Variants in ZFYVE19 observed in about 807,000 individuals in gnomAD.
ZFYVE19 encodes the protein zinc finger FYVE-type containing 19, also known as abscission/NoCut checkpoint regulator.
A neutral mutation model predicts 62.8 loss-of-function variants in ZFYVE19; 49 were observed. The observed-to-expected ratio is 0.78, with a 90% CI of 0.62 to 0.99. ZFYVE19 has a LOEUF of 0.99. Ranked by LOEUF, ZFYVE19 falls within the 50% of genes least tolerant of loss-of-function variation. ZFYVE19 has a pLI of 0.00. For synonymous variants in ZFYVE19, 242 were observed against 234.3 expected (o/e 1.03, Z -0.30); for missense variants, 630 against 601.9 (o/e 1.05, Z -0.49).
intron 7 of ZFYVE19, 103 bp from the exon 8 acceptor site, chr15:40,813,235 C>A: frequency 2.7e-6 from 3 of 1,130,206 alleles, no homozygotes; most frequent in Non-Finnish European, 3.9e-6. Flanking sequence ...GAATAAGTGC[C>A]CCTGGGAACC....
rs1215834345 is a variant in ZFYVE19, at chr15:40,807,239, A to G, written c.-351A>G. The G allele has an allele frequency of 6.4e-7, 1 of 1,567,086 alleles. No homozygotes were observed. The highest frequency in any genetic ancestry group is 1.2e-5 in the South Asian group (1 of 86,614). On this transcript the variant is annotated 5_prime_UTR_variant, in exon 1 of 11. It adds an upstream start codon to the 5' untranslated region. Transcript: ENST00000355341. ...CTGGGAGCCCGCCTGCGGAGGGCAT[A>G]GCGCCGACCCTCGCTCCCCGCCCAG...
chr15:40,813,529 C>T, intron 8 of ZFYVE19, 112 bp downstream of exon 8: 1 of 1,296,546 alleles, frequency 7.7e-7, no homozygotes, highest in Non-Finnish European at 1.1e-6. Context: ...CTCTTTGGGC[C>T]CCCTCCTGTG....
At position 40,813,378 on chromosome 15, in the gene ZFYVE19, C is replaced by G. The variant is rs201883316; in HGVS notation, c.1071C>G (p.Asp357Glu). The G allele has an allele frequency of 6.8e-5, 109 of 1,612,034 alleles. No homozygotes were observed. The highest frequency in any genetic ancestry group is 9.2e-5 in the Non-Finnish European group (108 of 1,179,162). Residue 357 changes from aspartate (D) to glutamate (E), a missense_variant, in exon 8 of 11, where the codon GAC becomes GAG. Transcript: ENST00000355341. ...ATCGCCTCCCAGACAGTGATGACGACGAGGATGAGGAGACAGCCATCCAAA... is the reference window on the plus strand; with the variant it reads ...ATCGCCTCCCAGACAGTGATGACGAGGAGGATGAGGAGACAGCCATCCAAA... Reference protein sequence around the residue: ...QDYRLPDSDDDEDEETAIQRV... With the variant: ...QDYRLPDSDDEEDEETAIQRV...
intron 1 of ZFYVE19, chr15:40,808,184 C>A: frequency 6.6e-7 from 1 of 1,521,828 alleles, no homozygotes; most frequent in South Asian, 1.2e-5. Context: ...CCACCCTGCT[C>A]CTCCGAAGCG....
intron 6 of ZFYVE19, among the ~76,000 whole-genome samples, chr15:40,812,074 C>T (rs567793564): frequency 6.6e-5 from 10 of 152,162 alleles, no homozygotes; most frequent in African/African-American, 1.4e-4. Flanking sequence ...AACCATAGGA[C>T]GCCCACCCTT....
chr15:40,814,624 G>C lies in ZFYVE19; in HGVS notation c.*398G>C, dbSNP rs1043497012. On this transcript the variant is annotated 3_prime_UTR_variant, in exon 11 of 11. Transcript: ENST00000355341. The stretch of plus-strand genomic sequence containing the variant: ...GCCTGGGCCCTGTGAGAGGTGGCAG[G>C]AACAGAGCAGGCTGTAAGCACAGTT... The C allele has an allele frequency of 3.8e-6, 1 of 263,798 alleles. No homozygotes were observed. Among genetic ancestry groups the C allele is most frequent in the Admixed American group, 4.9e-5 (1 of 20,510 alleles). The allele number at this position is 263,798 out of a possible 1,614,324, so 16.3% of individuals were successfully genotyped here.
At chr15:40,809,096 C>T (rs1463578580) in intron 1 of ZFYVE19, 23 bp from the exon 2 acceptor site, 1 of 1,611,326 alleles carries the variant, frequency 6.2e-7, no homozygotes, top group South Asian at 1.1e-5. Context: ...AGAGGGGGAT[C>T]TCCCGCTTCA....
At position 40,814,455 on chromosome 15, in the gene ZFYVE19, G is replaced by T. The variant is rs1381649744; in HGVS notation, c.*229G>T. ...TAGAAGCCCAGACTGGAAGTGAGAG[G>T]CATGATGGGGAGAGACCAGACTGAA... On this transcript the variant is annotated 3_prime_UTR_variant, in exon 11 of 11. Transcript: ENST00000355341. 5.1e-6 allele frequency: 3 copies of T among 587,620 alleles called. No homozygotes were observed. The highest frequency in any genetic ancestry group is 5.9e-5 in the East Asian group (2 of 33,632). The allele number at this position is 587,620 out of a possible 1,614,324, so 36.4% of individuals were successfully genotyped here.
chr15:40,810,792 C>T (rs756616146), intron 6 of ZFYVE19, 35 bp downstream of exon 6: 9 of 1,550,394 alleles, frequency 5.8e-6, no homozygotes, highest in South Asian at 1.2e-5. Context: ...GGAATCTGCC[C>T]TACCTCTTTC....
Position 40,807,135 on chromosome 15 carries a change from G to C in ZFYVE19, c.-455G>C. ...CGGCCTCTAGGAGACAGGGGCCACG[G>C]GGAGAGCACAGCCACCCGGCGCGAA... On this transcript the variant is annotated 5_prime_UTR_variant, in exon 1 of 11. Transcript: ENST00000355341. The C allele has an allele frequency of 9.5e-7, 1 of 1,051,842 alleles. No individual in the cohort carries two copies. Among genetic ancestry groups the C allele is most frequent in the Non-Finnish European group, 1.3e-6 (1 of 748,742 alleles). The allele number at this position is 1,051,842 out of a possible 1,614,324, so 65.2% of individuals were successfully genotyped here.
Position 40,810,189 on chromosome 15 carries a change from A to G in ZFYVE19, c.690A>G (p.Arg230=), listed in dbSNP as rs758871106. 13 of 1,614,088 alleles carry G rather than the reference A, an allele frequency of 8.1e-6. No homozygotes were observed. The highest frequency in any genetic ancestry group is 1.1e-5 in the Non-Finnish European group (13 of 1,180,050). The change falls in exon 5 of 11, where the codon AGA becomes AGG. Residue 230 remains arginine (R), a synonymous_variant. Coordinates refer to ENST00000355341, the MANE Select transcript of ZFYVE19 (RefSeq NM_001077268.2). ...CACGACTTGCAGCGTTGCAGGGCAGAGTTCTACCTTCTCAAACCCCCCAGC... is the reference window on the plus strand; with the variant it reads ...CACGACTTGCAGCGTTGCAGGGCAGGGTTCTACCTTCTCAAACCCCCCAGC... ...MEARLAALQG[R]VLPSQTPQPA...
chr15:40,807,653 T>G lies in ZFYVE19; in HGVS notation c.64T>G (p.Ser22Ala), dbSNP rs746822143. The change falls in exon 1 of 11, where the codon TCC becomes GCC. Residue 22 changes from serine to alanine, a missense_variant. Ser to Ala is a moderately conservative substitution (Grantham distance 99). Coordinates refer to ENST00000355341, the MANE Select transcript of ZFYVE19 (RefSeq NM_001077268.2). ...PLPYAGCRRA[S>A]GFPALGRGGT... ...GCCGTACGCTGGCTGCAGGAGAGCG[T>G]CCGGATTCCCTGCTCTAGGTCGCGG... 1 of 1,612,600 alleles carries G rather than the reference T, an allele frequency of 6.2e-7. No individual in the cohort carries two copies. The highest frequency in any genetic ancestry group is 8.5e-7 in the Non-Finnish European group (1 of 1,179,764).
intron 5 of ZFYVE19, 62 bp downstream of exon 5, chr15:40,810,278 G>C: frequency 6.3e-7 from 1 of 1,596,342 alleles, no homozygotes; most frequent in Non-Finnish European, 8.5e-7. Context: ...CAGAAGCCCA[G>C]ATACAGGTAT....
intron 6 of ZFYVE19, among the ~76,000 whole-genome samples, chr15:40,811,594 C>G (rs1327243667): frequency 7.8e-6 from 1 of 128,710 alleles, no homozygotes; most frequent in East Asian, 2.1e-4. Context: ...TCTTATGAGG[C>G]CAGGTGTGGC....
chr15:40,811,236 T>G (rs1419645972), intron 6 of ZFYVE19, among the ~76,000 whole-genome samples: 1 of 152,238 alleles, frequency 6.6e-6, no homozygotes, highest in Non-Finnish European at 1.5e-5. Context: ...CATATGGGCT[T>G]CATGGCTACC....
At chr15:40,809,994 C>T (rs1890427942) in intron 4 of ZFYVE19, 24 bp downstream of exon 4, 1 of 1,614,034 alleles carries the variant, frequency 6.2e-7, no homozygotes, top group Non-Finnish European at 8.5e-7. Context: ...GATGGGGTTG[C>T]CTAGAGGACA....
In ZFYVE19 at chr15:40,807,186, T is replaced by A; in HGVS notation, c.-404T>A. 1.4e-6 allele frequency: 2 copies of A among 1,439,194 alleles called. No homozygotes were observed. The highest frequency in any genetic ancestry group is 1.9e-6 in the Non-Finnish European group (2 of 1,080,934). 89.2% of individuals were successfully genotyped at this position (1,439,194 alleles called of 1,614,324 possible). A position where few individuals can be genotyped will look rare whatever the true frequency, so the allele number is the denominator to read the frequency against. Reference sequence around the variant, plus strand: ...GAGCCCTCTGTACCCCGCTTCCTCTTGAGGCCCTCGGACCGTCCAGGAAAT... The same window carrying A: ...GAGCCCTCTGTACCCCGCTTCCTCTAGAGGCCCTCGGACCGTCCAGGAAAT... On this transcript the variant is annotated 5_prime_UTR_variant, in exon 1 of 11. Transcript: ENST00000355341.
At chr15:40,809,775 G>T in intron 3 of ZFYVE19, 77 bp from the exon 4 acceptor site, 2 of 1,471,912 alleles carry the variant, frequency 1.4e-6, no homozygotes, top group Non-Finnish European at 1.9e-6. Flanking sequence ...GATTTGATTT[G>T]AATGGGAAAC....
chr15:40,810,355 T>G, intron 5 of ZFYVE19, 139 bp downstream of exon 5: 1 of 1,404,604 alleles, frequency 7.1e-7, no homozygotes, highest in Admixed American at 2.5e-5. Flanking sequence ...CAGTTACTTT[T>G]GCACCAACCT....
Sources: allele counts gnomAD v4.1 joint callset (sites outside exome capture counted in the v4.1 genomes callset), GRCh38; gene constraint gnomAD v4.1.1; transcripts MANE v1.5; gene names NCBI Gene and HGNC (gene_info 2026-07-23, HGNC 2026-07-21).